The following E2F8 variants were observed in gnomAD, a reference collection of about 807,000 sequenced individuals.
E2F8 encodes transcription factor E2F8.
E2F8 carries 35 observed loss-of-function variants against 80.8 expected under a neutral mutation model. The ratio of observed to expected loss-of-function variants is 0.43; its 90% CI spans 0.33 to 0.57. The LOEUF (loss-of-function observed/expected upper bound fraction) is 0.57. Among genes scored for constraint, E2F8 ranks in the 20% least tolerant of loss-of-function variants. E2F8 has a pLI of 0.04. For synonymous variants in E2F8, 386 were observed against 395.0 expected (o/e 0.98, Z 0.27); for missense variants, 975 against 1,056.2 (o/e 0.92, Z 1.07).
upstream of E2F8, among the ~76,000 whole-genome samples, chr11:19,241,234 G>C (rs1212778749): frequency 1.3e-5 from 2 of 152,076 alleles, no homozygotes; most frequent in East Asian, 3.9e-4. This position sits in a 1 kb window ranked among gnomAD's most constrained non-coding sequence, Gnocchi z 4.5. Flanking sequence ...CGGCAACCCC[G>C]CCCCTCCCCC....
rs866204691 is a variant in E2F8 at position 19,224,749 on chromosome 11, C to T, written c.2513G>A (p.Cys838Tyr). 1 of 1,614,152 alleles carries T rather than the reference C, an allele frequency of 6.2e-7. No individual in the cohort carries two copies. ...GGPTKPTSSS[C>Y]MDFEGANKTS... ...TTTATTAGCACCCTCAAAATCCATG[C>T]AGGATGAGCTGGTTGGCTTGGTGGG... Residue 838 changes from cysteine (C) to tyrosine (Y), a missense_variant, in exon 13 of 13, where the codon TGC becomes TAC. Cys to Tyr is a radical substitution (Grantham distance 194). Coordinates refer to ENST00000250024, the MANE Select transcript of E2F8 (RefSeq NM_024680.4).
chr11:19,229,688 A>G lies in E2F8; in HGVS notation c.1659T>C (p.Thr553=). The change falls in exon 10 of 13, where the codon ACT becomes ACC. Residue 553 remains threonine (T), a synonymous_variant. Transcript: ENST00000250024. This position sits in a 1 kb window ranked among gnomAD's most constrained non-coding sequence, Gnocchi z 4.3. The stretch of plus-strand genomic sequence containing the variant: ...TGGCATCTGTGGAGTCTTTTGAGCC[A>G]GTAGCTTTAGAAGAGTGGGTGGTGC... ...TVCTTHSSKA[T]GSKDSTDATT... 1.2e-6 allele frequency: 2 copies of G among 1,614,186 alleles called. No homozygotes were observed. Among genetic ancestry groups the G allele is most frequent in the Non-Finnish European group, 1.7e-6 (2 of 1,180,042 alleles).
At chr11:19,234,671 T>C in intron 5 of E2F8, 73 bp downstream of exon 5, 7 of 1,542,734 alleles carry the variant, frequency 4.5e-6, no homozygotes, top group East Asian at 2.2e-5. Flanking sequence ...TAGAGCTGTG[T>C]TCTCCACAGA....
chr11:19,241,089 T>A (rs1370582428), upstream of E2F8: 2 of 152,248 alleles, frequency 1.3e-5, no homozygotes, highest in Non-Finnish European at 2.9e-5. This position sits in a 1 kb window ranked among gnomAD's most constrained non-coding sequence, Gnocchi z 4.5. Flanking sequence ...GGCCTGCGAT[T>A]GGCCGACGGC....
rs1484464297 is a variant in E2F8, at chr11:19,225,216, C to G, written c.2421+5G>C. 1 of 1,610,832 alleles carries G rather than the reference C, an allele frequency of 6.2e-7. No individual in the cohort carries two copies. The highest frequency in any genetic ancestry group is 8.5e-7 in the Non-Finnish European group (1 of 1,179,022). On this transcript the variant is annotated splice_donor_5th_base_variant and intron_variant, in intron 12 of 12. Coordinates refer to ENST00000250024, the MANE Select transcript of E2F8 (RefSeq NM_024680.4). ...AAAAATTAAATTAAGTAGAAAGCCTCTCACCTGTTGTGCCCCTGTCACAGC... is the reference window on the plus strand; with the variant it reads ...AAAAATTAAATTAAGTAGAAAGCCTGTCACCTGTTGTGCCCCTGTCACAGC...
chr11:19,233,847 AG>A (rs1207758214), intron 6 of E2F8, among the ~76,000 whole-genome samples: 2 of 151,884 alleles, frequency 1.3e-5, no homozygotes, highest in Non-Finnish European at 2.9e-5. Context: ...AAATAAGAGT[AG>A]TGATACTTGG....
At chr11:19,224,868 A>G in intron 12 of E2F8, 28 bp from the exon 13 acceptor site, 2 of 1,612,878 alleles carry the variant, frequency 1.2e-6, no homozygotes, top group Non-Finnish European at 1.7e-6. Context: ...AATGGACAAA[A>G]GAAGTCAACC....
chr11:19,232,001 A>C (rs1851395415), intron 7 of E2F8, among the ~76,000 whole-genome samples: 1 of 152,230 alleles, frequency 6.6e-6, no homozygotes. Context: ...TGCAGCCATA[A>C]AAAGAAATGA....
At chr11:19,224,865 A>C (rs776810646) in intron 12 of E2F8, 25 bp from the exon 13 acceptor site, 1 of 1,613,082 alleles carries the variant, frequency 6.2e-7, no homozygotes, top group East Asian at 2.2e-5. Context: ...AAGAATGGAC[A>C]AAAGAAGTCA....
intron 10 of E2F8, among the ~76,000 whole-genome samples, chr11:19,227,852 C>T (rs1278961218): frequency 6.6e-6 from 1 of 152,164 alleles, no homozygotes; most frequent in East Asian, 1.9e-4. Flanking sequence ...CTTTGGGAAG[C>T]CAAGGCAGGC....
At chr11:19,227,362 C>T (rs935404581) in intron 10 of E2F8, among the ~76,000 whole-genome samples, 4 of 152,128 alleles carry the variant, frequency 2.6e-5, no homozygotes, top group Non-Finnish European at 4.4e-5. Flanking sequence ...TGAAGACCTG[C>T]GCTCTATTAG....
chr11:19,237,589 A>G (rs1851551736), intron 3 of E2F8, 119 bp from the exon 4 acceptor site: 2 of 1,178,926 alleles, frequency 1.7e-6, no homozygotes, highest in African/African-American at 3.1e-5. Flanking sequence ...ACAGCTGCAA[A>G]GTCTGGATGG....
At position 19,230,825 on chromosome 11, in the gene E2F8, G is replaced by A. The variant is rs1851359831; in HGVS notation, c.1076C>T (p.Pro359Leu). Residue 359 changes from proline (P) to leucine (L), a missense_variant, in exon 8 of 13, where the codon CCA (proline) becomes CTA (leucine). Pro to Leu is a moderately conservative substitution (Grantham distance 98). Coordinates refer to ENST00000250024, the MANE Select transcript of E2F8 (RefSeq NM_024680.4). ...ATCAGAGGGAGTAAAATGAATGACT[G>A]GGCTGGAGCCTGAAACAGAAAACGT... is the stretch of plus-strand genomic sequence containing the variant. ...EISPNTSGSS[P>L]VIHFTPSDLE... The A allele has an allele frequency of 6.2e-7, 1 of 1,614,078 alleles. No homozygotes were observed. The highest frequency in any genetic ancestry group is 1.1e-5 in the South Asian group (1 of 91,074).
intron 12 of E2F8, 80 bp downstream of exon 12, chr11:19,225,141 C>A: frequency 6.6e-7 from 1 of 1,526,306 alleles, no homozygotes; most frequent in Non-Finnish European, 8.8e-7. Flanking sequence ...AGAGGAAAAG[C>A]AAAAGCCAAT....
At chr11:19,228,434 G>A (rs1203918150) in intron 10 of E2F8, among the ~76,000 whole-genome samples, 3 of 152,144 alleles carry the variant, frequency 2.0e-5, no homozygotes, top group Non-Finnish European at 2.9e-5. Flanking sequence ...GTCTTAAAAG[G>A]ATCAAACCCT....
In E2F8 at chr11:19,237,865, C is replaced by T. The variant is rs897232944; in HGVS notation, c.283G>A (p.Asp95Asn). 2 of 1,613,716 alleles carry T rather than the reference C, an allele frequency of 1.2e-6. No homozygotes were observed. Among genetic ancestry groups the T allele is most frequent in the Non-Finnish European group, 8.5e-7 (1 of 1,179,894 alleles). The change falls in exon 3 of 13, where the codon GAC (aspartate) becomes AAC (asparagine). Residue 95 changes from aspartate (D) to asparagine (N), a missense_variant. Asp to Asn is a conservative substitution (Grantham distance 23). Coordinates refer to ENST00000250024, the MANE Select transcript of E2F8 (RefSeq NM_024680.4). ...CTCTGAAAACCTACGTGTATACAGT[C>T]TTTGGCCTCAGGTAATCCACTTCTG... Reference protein sequence around the residue: ...DNRSGLPEAKDCIHEHLSGDE... With the variant: ...DNRSGLPEAKNCIHEHLSGDE...
intron 4 of E2F8, among the ~76,000 whole-genome samples, chr11:19,236,355 A>C (rs1011577300): frequency 3.9e-5 from 6 of 152,134 alleles, no homozygotes; most frequent in African/African-American, 1.4e-4. Context: ...TATTTTTTCC[A>C]CTATGCATGT....
At chr11:19,225,895 C>T (rs764403810) in intron 10 of E2F8, 31 bp from the exon 11 acceptor site, 1 of 1,600,250 alleles carries the variant, frequency 6.2e-7, no homozygotes, top group African/African-American at 1.3e-5. Context: ...GTTTATTTTA[C>T]ACACAAATAC....
intron 12 of E2F8, 177 bp from the exon 13 acceptor site, chr11:19,225,017 G>T: frequency 8.9e-7 from 1 of 1,118,876 alleles, no homozygotes; most frequent in Non-Finnish European, 1.3e-6. Flanking sequence ...TGTTAGGGGA[G>T]AGACAAAAAT....
Sources: gnomAD v4.1 joint callset for allele counts (sites outside exome capture counted in the v4.1 genomes callset) on GRCh38, gnomAD v4.1.1 for gene constraint, Gnocchi (gnomAD v3.1) non-coding constraint, MANE v1.5 for transcripts, NCBI Gene and HGNC (gene_info 2026-07-23, HGNC 2026-07-21) for gene names.